Variants in STAT3 observed in about 807,000 individuals in gnomAD.
STAT3 encodes signal transducer and activator of transcription 3.
A neutral mutation model predicts 114.3 loss-of-function variants in STAT3; 7 were observed. The ratio of observed to expected loss-of-function variants is 0.06; its 90% confidence interval spans 0.03 to 0.11. The LOEUF is 0.11. STAT3 is among the 10% of genes least tolerant of loss of function. STAT3 has a pLI of 1.00. For missense variants in STAT3, 364 were observed against 960.9 expected, an observed-to-expected ratio of 0.38 and a Z score of 8.21; for synonymous variants, 331 against 354.5, an observed-to-expected ratio of 0.93 and a Z score of 0.74.
In STAT3 at chr17:42,345,445, T is replaced by C. The variant is rs1053939438; in HGVS notation, c.372+114A>G. 3.5e-6 allele frequency: 3 copies of C among 866,840 alleles called. No individual in the cohort carries two copies. In the South Asian group the frequency reaches 4.5e-5, roughly 13 times the overall value. 53.7% of individuals were successfully genotyped at this position (866,840 alleles called of 1,614,324 possible). ...TTCAATGTATTTTTATGATTATTGA[T>C]CTATTTAATTTCTTTTCCTTCTTTT... On this transcript the variant is annotated intron_variant, in intron 4 of 23. Transcript: ENST00000264657.
At chr17:42,360,601 G>A (rs945236931) in intron 1 of STAT3, among the ~76,000 whole-genome samples, 1 of 151,308 alleles carries the variant, frequency 6.6e-6, no homozygotes, top group Non-Finnish European at 1.5e-5. Context: ...CCAAGATTGT[G>A]TCATTGCATT....
intron 1 of STAT3, among the ~76,000 whole-genome samples, chr17:42,364,285 T>G (rs1431960727): frequency 6.6e-6 from 1 of 152,172 alleles, no homozygotes; most frequent in Non-Finnish European, 1.5e-5. Flanking sequence ...AGTATTTTTC[T>G]AATAAACTGT....
intron 21 of STAT3, chr17:42,317,434 T>C: frequency 1.6e-6 from 1 of 642,888 alleles, no homozygotes; most frequent in Non-Finnish European, 2.8e-6. Flanking sequence ...GAACTTCAGT[T>C]CTTTGCACAA....
chr17:42,376,452 C>A (rs911217572), intron 1 of STAT3, among the ~76,000 whole-genome samples: 4 of 150,002 alleles, frequency 2.7e-5, no homozygotes, highest in African/African-American at 9.8e-5. Flanking sequence ...GAGGCTGAGG[C>A]AGGAGAATCA....
chr17:42,353,611 G>A (rs1270360453), intron 1 of STAT3, among the ~76,000 whole-genome samples: 1 of 152,092 alleles, frequency 6.6e-6, no homozygotes, highest in African/African-American at 2.4e-5. Flanking sequence ...GTCTCTCTCT[G>A]TCACCCAGGC....
intron 22 of STAT3, 127 bp from the exon 23 acceptor site, chr17:42,317,028 T>C: frequency 6.4e-7 from 1 of 1,556,138 alleles, no homozygotes; most frequent in African/African-American, 1.4e-5. Flanking sequence ...AAATAAAAGC[T>C]CAAGCTTTTT....
At position 42,348,247 on chromosome 17, in the gene STAT3, C is replaced by A. The variant is rs2306581; in HGVS notation, c.128+142G>T. ...AGGCTTTACAAGACCAAAGGGTGCC[C>A]CTTTATCTCCTGATCTCATTTTCCC... On this transcript the variant is annotated intron_variant, in intron 2 of 23. Coordinates refer to ENST00000264657, the MANE Select transcript of STAT3 (RefSeq NM_139276.3). The A allele has an allele frequency of 0.38, 483,716 of 1,260,154 alleles. 101,295 individuals are homozygous for A. The highest frequency in any genetic ancestry group is 0.82 in the African/African-American group (55,556 of 68,076). 78.1% of individuals were successfully genotyped at this position (1,260,154 alleles called of 1,614,324 possible). A position where few individuals can be genotyped will look rare whatever the true frequency, so the allele number is the denominator to read the frequency against.
chr17:42,332,992 C>G (rs1471895954), intron 10 of STAT3, among the ~76,000 whole-genome samples: 1 of 152,090 alleles, frequency 6.6e-6, no homozygotes, highest in Non-Finnish European at 1.5e-5. Context: ...GAGTGAGACC[C>G]TGTCTCAAAC....
chr17:42,329,970 A>G (rs1410563527), intron 11 of STAT3, among the ~76,000 whole-genome samples, 194 bp from the exon 12 acceptor site: 1 of 152,200 alleles, frequency 6.6e-6, no homozygotes, highest in Admixed American at 6.6e-5. Flanking sequence ...TCCCCATAGG[A>G]AGGGGAACCT....
At chr17:42,328,011 A>G (rs1043858336) in intron 14 of STAT3, among the ~76,000 whole-genome samples, 10 of 151,614 alleles carry the variant, frequency 6.6e-5, no homozygotes, top group African/African-American at 2.4e-4. Context: ...GCACCACTGC[A>G]ATCCGATAGA....
rs2144771251 is a variant in STAT3, at chr17:42,329,539, G to C, written c.1233+15C>G. The C allele has an allele frequency of 6.2e-7, 1 of 1,614,134 alleles. No homozygotes were observed. The highest frequency in any genetic ancestry group is 1.1e-5 in the South Asian group (1 of 91,084). On this transcript the variant is annotated intron_variant, in intron 13 of 23. Transcript: ENST00000264657. The stretch of plus-strand genomic sequence containing the variant: ...AGCCAGAGGCCCTTTGTGAAGGGGA[G>C]CTCCTCCCACATACCAAGTGTTTGA...
Position 42,324,660 on chromosome 17 carries a change from G to A in STAT3, c.1600+51C>T, listed in dbSNP as rs2144713333. The A allele has an allele frequency of 6.7e-7, 1 of 1,502,686 alleles. No homozygotes were observed. The highest frequency in any genetic ancestry group is 8.8e-7 in the Non-Finnish European group (1 of 1,133,124). The allele number at this position is 1,502,686 out of a possible 1,614,324, so 93.1% of individuals were successfully genotyped here. ...CCCAAATGAACAGCCCTATGGGCCG[G>A]ATCCCTTTTCTGGGCGGGTGGGCGG... On this transcript the variant is annotated intron_variant, in intron 17 of 23. Coordinates refer to ENST00000264657, the MANE Select transcript of STAT3 (RefSeq NM_139276.3). The surrounding 1 kb of genome is among the most constrained non-coding windows in gnomAD (Gnocchi z 4.5).
chr17:42,322,087 T>C (rs1224794664), intron 21 of STAT3, among the ~76,000 whole-genome samples, 195 bp downstream of exon 21: 1 of 152,174 alleles, frequency 6.6e-6, no homozygotes, highest in African/African-American at 2.4e-5. Flanking sequence ...GGAACTACAC[T>C]ACTCTAAGTG....
At chr17:42,380,509 C>T (rs867904389) in intron 1 of STAT3, among the ~76,000 whole-genome samples, 6 of 151,882 alleles carry the variant, frequency 4.0e-5, no homozygotes, top group Middle Eastern at 3.4e-3. Context: ...CTCAGCCTCC[C>T]GAGTAGCTGG....
chr17:42,335,708 C>CA (rs910369168), intron 8 of STAT3, among the ~76,000 whole-genome samples: 2 of 151,812 alleles, frequency 1.3e-5, no homozygotes, highest in Non-Finnish European at 2.9e-5. Context: ...TACTAAAATA[C>CA]AAAAAAATAG....
chr17:42,335,667 CA>C (rs2144852665), intron 8 of STAT3, among the ~76,000 whole-genome samples: 1 of 152,186 alleles, frequency 6.6e-6, no homozygotes, highest in African/African-American at 2.4e-5. Context: ...CCTGTAATCC[CA>C]AAAATTTGAG....
intron 1 of STAT3, among the ~76,000 whole-genome samples, chr17:42,375,730 T>C (rs1327289257): frequency 2.1e-5 from 3 of 144,816 alleles, no homozygotes; most frequent in African/African-American, 7.7e-5. Flanking sequence ...TCGGGAGGCT[T>C]AGGCAAGAGA....
intron 1 of STAT3, among the ~76,000 whole-genome samples, chr17:42,351,002 A>G (rs903847277): frequency 6.6e-5 from 10 of 151,930 alleles, no homozygotes; most frequent in African/African-American, 2.4e-4. Flanking sequence ...GTGGTGGCAC[A>G]TGCCTTTAAT....
At chr17:42,346,737 G>T (rs1264050042) in intron 2 of STAT3, 24 bp from the exon 3 acceptor site, 3 of 1,613,866 alleles carry the variant, frequency 1.9e-6, no homozygotes, top group Non-Finnish European at 2.5e-6. Context: ...GAATGATAAA[G>T]AATGGCTCTG....
Sources: allele counts gnomAD v4.1 joint callset (sites outside exome capture counted in the v4.1 genomes callset), GRCh38; gene constraint gnomAD v4.1.1; non-coding constraint Gnocchi (gnomAD v3.1); transcripts MANE v1.5; gene names NCBI Gene and HGNC (gene_info 2026-07-23, HGNC 2026-07-21).